Variants in ARPC1B observed in about 807,000 individuals in gnomAD.
ARPC1B encodes actin-related protein 2/3 complex subunit 1B.
ARPC1B carries 29 observed loss-of-function variants against 46.0 expected under a neutral mutation model. The ratio of observed to expected loss-of-function variants is 0.63; its 90% CI spans 0.47 to 0.86. The LOEUF (loss-of-function observed/expected upper bound fraction) is 0.86, where lower values mean the gene tolerates loss of function less well. ARPC1B is among the 40% of genes least tolerant of loss of function. The pLI is 0.00. For missense variants in ARPC1B, 469 were observed against 529.4 expected (o/e 0.89, Z 1.12); for synonymous variants, 201 against 213.9 (o/e 0.94, Z 0.53).
chr7:99,393,450 G>A (rs889286910), intron 8 of ARPC1B, among the ~76,000 whole-genome samples: 2 of 152,148 alleles, frequency 1.3e-5, no homozygotes, highest in Non-Finnish European at 2.9e-5. Context: ...TCCTGGGCGG[G>A]GTCACAGCTG....
chr7:99,390,133 C>A (rs1481301341), intron 5 of ARPC1B, 121 bp downstream of exon 5: 4 of 843,734 alleles, frequency 4.7e-6, no homozygotes, highest in Non-Finnish European at 7.5e-6. Flanking sequence ...GACCTGCTAC[C>A]AGTGGATGAC....
At position 99,393,253 on chromosome 7, in the gene ARPC1B, A is replaced by G. The variant is rs114108043; in HGVS notation, c.989+377A>G. ...ATCTCACCATAGCAGCCCAGGTGCTAGTGGAGCCTGGGAGGGACACGGTGC... is the reference window on the plus strand; with the variant it reads ...ATCTCACCATAGCAGCCCAGGTGCTGGTGGAGCCTGGGAGGGACACGGTGC... On this transcript the variant is annotated intron_variant, in intron 8 of 9. Coordinates refer to ENST00000646101, the MANE Select transcript of ARPC1B (RefSeq NM_005720.4). Among the ~76,000 whole-genome samples the G allele has an allele frequency of 1.5e-3, 236 of 152,352 alleles. 2 individuals are homozygous for G. The highest frequency in any genetic ancestry group is 3.1e-3 in the Non-Finnish European group (211 of 68,028).
chr7:99,383,353 G>A (rs1794285259), intron 1 of ARPC1B, among the ~76,000 whole-genome samples: 2 of 152,108 alleles, frequency 1.3e-5, no homozygotes, highest in South Asian at 4.1e-4. Context: ...ACACGTTTCT[G>A]AGAACGTACT....
At chr7:99,382,269 C>T (rs569684416) in intron 1 of ARPC1B, among the ~76,000 whole-genome samples, 1 of 152,118 alleles carries the variant, frequency 6.6e-6, no homozygotes, top group South Asian at 2.1e-4. Flanking sequence ...GAAACCCTGT[C>T]TCTACTAAAA....
Position 99,391,112 on chromosome 7 carries a change from C to G in ARPC1B, c.707+13C>G, listed in dbSNP as rs969211896. 3 of 1,612,372 alleles carry G rather than the reference C, an allele frequency of 1.9e-6. No individual in the cohort carries two copies. Among genetic ancestry groups the G allele is most frequent in the African/African-American group, 1.3e-5 (1 of 74,922 alleles). On this transcript the variant is annotated intron_variant, in intron 6 of 9. Coordinates refer to ENST00000646101, the MANE Select transcript of ARPC1B (RefSeq NM_005720.4). ...ACAAGAAGATGGCGTGAGTCGAGGC[C>G]ATCCCCAGGGGAGGAGGTGAGTGCA...
intron 3 of ARPC1B, 119 bp from the exon 4 acceptor site, chr7:99,387,920 G>T: frequency 1.4e-6 from 1 of 690,266 alleles, no homozygotes; most frequent in Non-Finnish European, 2.6e-6. Flanking sequence ...AAAAGTGCCT[G>T]CTGGGCAGAT....
intron 1 of ARPC1B, among the ~76,000 whole-genome samples, chr7:99,377,953 T>A (rs1378330481): frequency 2.0e-5 from 3 of 152,078 alleles, no homozygotes; most frequent in Non-Finnish European, 4.4e-5. Context: ...TTTTCTAATA[T>A]TAATAATTAC....
chr7:99,381,711 CTTCCAGGCAGTGAGCGCAGGGGGCT>C (rs1227908296), intron 1 of ARPC1B, among the ~76,000 whole-genome samples: 1 of 152,212 alleles, frequency 6.6e-6, no homozygotes, highest in Non-Finnish European at 1.5e-5. Flanking sequence ...TGGACAGGGC[CTTCCAGGCAGTGAGCGCAGGGGGCT>C]TTGTGTTGTG....
chr7:99,378,352 C>T (rs1053842627), intron 1 of ARPC1B, among the ~76,000 whole-genome samples: 1 of 151,304 alleles, frequency 6.6e-6, no homozygotes, highest in Non-Finnish European at 1.5e-5. Flanking sequence ...GGATTACAGG[C>T]GTGAGCCATG....
intron 8 of ARPC1B, 50 bp downstream of exon 8, chr7:99,392,926 G>A (rs964198287): frequency 9.4e-6 from 14 of 1,491,564 alleles, no homozygotes; most frequent in Non-Finnish European, 1.3e-5. Context: ...GGCTCGCCCA[G>A]AAACAGCGTC....
intron 1 of ARPC1B, among the ~76,000 whole-genome samples, chr7:99,383,233 A>G (rs895351302): frequency 6.6e-6 from 1 of 152,040 alleles, no homozygotes; most frequent in Non-Finnish European, 1.5e-5. Context: ...AAGCAGAGGC[A>G]GGAGGATCAC....
At position 99,385,501 on chromosome 7, in the gene ARPC1B, G is replaced by T. The variant is rs543820399; in HGVS notation, c.-13-201G>T. ...CCCTTTTATAAGGAGGGAAACTGAG[G>T]CCCCAGGAGGGGAAGCAACATGTCA... On this transcript the variant is annotated intron_variant, in intron 1 of 9. Transcript: ENST00000646101. Among the ~76,000 whole-genome samples the T allele has an allele frequency of 2.8e-4, 42 of 152,268 alleles. No homozygotes were observed. The South Asian group carries it at 8.5e-3, about 31-fold the overall frequency.
rs137947738 is a variant in ARPC1B at position 99,390,938 on chromosome 7, C to T, written c.546C>T (p.Pro182=). 155 of 1,612,870 alleles carry T rather than the reference C, an allele frequency of 9.6e-5. 1 individual carries two copies. Among genetic ancestry groups the T allele is most frequent in the Non-Finnish European group, 1.5e-5 (18 of 1,179,298 alleles). ...YIKEVEERPA[P]TPWGSKMPFG... Reference sequence around the variant, plus strand: ...AGGAGGTGGAGGAACGGCCGGCACCCACCCCGTGGGGCTCCAAGATGCCCT... The same window carrying T: ...AGGAGGTGGAGGAACGGCCGGCACCTACCCCGTGGGGCTCCAAGATGCCCT... Residue 182 remains proline, a synonymous_variant, in exon 6 of 10, where the codon CCC becomes CCT. Transcript: ENST00000646101.
Position 99,394,569 on chromosome 7 carries a change from TG to T in ARPC1B, c.*81del. The T allele has an allele frequency of 6.2e-7, 1 of 1,607,702 alleles. No homozygotes were observed. Among genetic ancestry groups the T allele is most frequent in the Non-Finnish European group, 8.5e-7 (1 of 1,176,916 alleles). ...TCAGGGAGGCTAATGGTTGCTTTGC[TG>T]AATGTTTCTGGGGTACCAATACGAG... On this transcript the variant is annotated 3_prime_UTR_variant, in exon 10 of 10. Transcript: ENST00000646101.
At chr7:99,377,051 G>A (rs1000863520) in intron 1 of ARPC1B, among the ~76,000 whole-genome samples, 1 of 151,960 alleles carries the variant, frequency 6.6e-6, no homozygotes, top group African/African-American at 2.4e-5. Flanking sequence ...TCATTGTGTT[G>A]CCCAGGCTAT....
intron 1 of ARPC1B, among the ~76,000 whole-genome samples, chr7:99,380,922 C>T (rs916103842): frequency 6.6e-6 from 1 of 152,208 alleles, no homozygotes; most frequent in Admixed American, 6.5e-5. Context: ...AAGTGGGCTT[C>T]TGGCCTTCAC....
chr7:99,386,505 C>T (rs938863930), intron 2 of ARPC1B, 180 bp from the exon 3 acceptor site: 2 of 702,462 alleles, frequency 2.8e-6, no homozygotes, highest in Non-Finnish European at 5.2e-6. Flanking sequence ...CAGCCAGTTC[C>T]AGGAGAAGAC....
chr7:99,390,747 G>A, intron 5 of ARPC1B, 146 bp from the exon 6 acceptor site: 1 of 661,410 alleles, frequency 1.5e-6, no homozygotes, highest in Non-Finnish European at 2.5e-6. Context: ...GCCCAAACTG[G>A]AGCACAGTAG....
At position 99,392,235 on chromosome 7, in the gene ARPC1B, G is replaced by A. The variant is rs567014012; in HGVS notation, c.784-436G>A. ...GGCAAGGCCACGCCTAATGCAAAGG[G>A]CGAGAGTTCGGGGTGTGCGGTTCCT... On this transcript the variant is annotated intron_variant, in intron 7 of 9. Transcript: ENST00000646101. 1.2e-4 allele frequency: 20 copies of A among 169,948 alleles called. No individual in the cohort carries two copies. The East Asian group carries it at 2.7e-3, about 23-fold the overall frequency. The allele number at this position is 169,948 out of a possible 1,614,324, so 10.5% of individuals were successfully genotyped here. A position where few individuals can be genotyped will look rare whatever the true frequency, so the allele number is the denominator to read the frequency against.
Sources: allele counts gnomAD v4.1 joint callset (sites outside exome capture counted in the v4.1 genomes callset), GRCh38; gene constraint gnomAD v4.1.1; transcripts MANE v1.5; gene names NCBI Gene and HGNC (gene_info 2026-07-23, HGNC 2026-07-21).